LHFPL6: variants seen among roughly 807,000 people sequenced by gnomAD.
LHFPL6 encodes LHFPL tetraspan subfamily member 6 protein.
A neutral mutation model predicts 20.6 loss-of-function variants in LHFPL6; 9 were observed. The observed-to-expected ratio is 0.44, with a 90% CI of 0.26 to 0.76. The LOEUF (loss-of-function observed/expected upper bound fraction) is 0.76, where lower values mean the gene tolerates loss of function less well. LHFPL6 is among the 30% of genes least tolerant of loss of function. LHFPL6 has a pLI of 0.20. For missense variants in LHFPL6, 218 were observed against 253.5 expected (o/e 0.86, Z 0.95); for synonymous variants, 105 against 98.7 (o/e 1.06, Z -0.38).
chr13:39,504,788 CTTCTAA>C (rs1429409048), intron 2 of LHFPL6, among the ~76,000 whole-genome samples: 1 of 152,224 alleles, frequency 6.6e-6, no homozygotes, highest in East Asian at 1.9e-4. Context: ...AAACCCCACA[CTTCTAA>C]TTCTAGTACT....
intron 2 of LHFPL6, among the ~76,000 whole-genome samples, chr13:39,419,552 T>C (rs1471748845): frequency 2.0e-5 from 3 of 152,366 alleles, no homozygotes; most frequent in African/African-American, 7.2e-5. Context: ...TCTTCTGAAA[T>C]GAATCAAAAT....
At position 39,580,934 on chromosome 13, in the gene LHFPL6, C is replaced by T. The variant is rs142256968; in HGVS notation, c.385+19898G>A. ...ATGGCCATAGAGTAATGTGAACACA[C>T]GAATAAAGGTGGTACTTTAAGACTT... On this transcript the variant is annotated intron_variant, in intron 2 of 3. Coordinates refer to ENST00000379589, the MANE Select transcript of LHFPL6 (RefSeq NM_005780.3). 4.7e-4 allele frequency among the ~76,000 whole-genome samples: 71 copies of T among 152,182 alleles called. 1 individual carries two copies. Among genetic ancestry groups the T allele is most frequent in the Admixed American group, 2.2e-3 (34 of 15,292 alleles).
chr13:39,374,392 C>T (rs1566096700), intron 3 of LHFPL6, among the ~76,000 whole-genome samples: 3 of 151,956 alleles, frequency 2.0e-5, no homozygotes, highest in East Asian at 3.9e-4. Context: ...AGGGGAGGGA[C>T]GGAGGGGGCA....
intron 2 of LHFPL6, among the ~76,000 whole-genome samples, chr13:39,591,951 C>T (rs1005728588): frequency 6.6e-6 from 1 of 151,952 alleles, no homozygotes; most frequent in Non-Finnish European, 1.5e-5. Flanking sequence ...CAAAAATTAG[C>T]CAGGCATGAT....
intron 2 of LHFPL6, among the ~76,000 whole-genome samples, chr13:39,506,847 C>A (rs1321096100): frequency 6.6e-6 from 1 of 152,232 alleles, no homozygotes; most frequent in African/African-American, 2.4e-5. Context: ...TGAAGATAAG[C>A]TTTTAAATGA....
At chr13:39,391,095 T>C (rs1314511979) in intron 2 of LHFPL6, among the ~76,000 whole-genome samples, 2 of 152,216 alleles carry the variant, frequency 1.3e-5, no homozygotes, top group Non-Finnish European at 2.9e-5. Context: ...AAAATAAGCA[T>C]ATCATGCCTT....
chr13:39,384,468 A>T (rs1330158843), intron 2 of LHFPL6, among the ~76,000 whole-genome samples: 1 of 152,250 alleles, frequency 6.6e-6, no homozygotes, highest in Non-Finnish European at 1.5e-5. Context: ...AAGTGAGAAC[A>T]TCTTTTTAAT....
intron 2 of LHFPL6, among the ~76,000 whole-genome samples, chr13:39,546,929 G>A (rs1870998669): frequency 6.6e-6 from 1 of 151,918 alleles, no homozygotes; most frequent in Non-Finnish European, 1.5e-5. Context: ...AATTCCCATT[G>A]CTTTGAAGAC....
At chr13:39,505,609 T>C (rs886341609) in intron 2 of LHFPL6, among the ~76,000 whole-genome samples, 1 of 152,178 alleles carries the variant, frequency 6.6e-6, no homozygotes, top group Non-Finnish European at 1.5e-5. Context: ...AGGCTGATTT[T>C]GGCTAAAAGA....
chr13:39,514,868 G>A (rs1315831554), intron 2 of LHFPL6, among the ~76,000 whole-genome samples: 4 of 152,190 alleles, frequency 2.6e-5, no homozygotes, highest in East Asian at 1.9e-4. Flanking sequence ...GAAAAATAGC[G>A]AAGTGCTAAA....
chr13:39,601,839 G>T (rs1287928894), intron 1 of LHFPL6, among the ~76,000 whole-genome samples: 1 of 152,096 alleles, frequency 6.6e-6, no homozygotes, highest in Non-Finnish European at 1.5e-5. Context: ...TTAACTCTCT[G>T]CATGAGCCAA....
chr13:39,372,584 T>C (rs576384519), intron 3 of LHFPL6, among the ~76,000 whole-genome samples: 63 of 152,340 alleles, frequency 4.1e-4, no homozygotes, highest in African/African-American at 1.3e-3. Context: ...TTTGTGAAAG[T>C]GAATACTTTT....
At chr13:39,587,000 T>A (rs972281205) in intron 2 of LHFPL6, among the ~76,000 whole-genome samples, 1 of 151,972 alleles carries the variant, frequency 6.6e-6, no homozygotes. Flanking sequence ...CTCCTAAAAA[T>A]ACAAAAATTA....
chr13:39,546,574 A>G (rs533684095), intron 2 of LHFPL6, among the ~76,000 whole-genome samples: 1 of 152,150 alleles, frequency 6.6e-6, no homozygotes, highest in African/African-American at 2.4e-5. Context: ...GGGTTTTACA[A>G]CCCTCCAGCT....
chr13:39,344,914 T>C (rs1006088219), intron 3 of LHFPL6, among the ~76,000 whole-genome samples: 1 of 152,228 alleles, frequency 6.6e-6, no homozygotes, highest in African/African-American at 2.4e-5. Flanking sequence ...ATCCCAAGAA[T>C]AGGTCGGTGT....
chr13:39,369,605 C>T (rs1410206786), intron 3 of LHFPL6, among the ~76,000 whole-genome samples: 116 of 39,504 alleles, frequency 2.9e-3, no homozygotes, highest in African/African-American at 4.9e-3. Flanking sequence ...CTTCCTCCCT[C>T]TCTCCCTCCC....
At position 39,588,328 on chromosome 13, in the gene LHFPL6, A is replaced by T. The variant is rs1029564390; in HGVS notation, c.385+12504T>A. ...TTATTTGACATACAGTGGGCACTCG[A>T]TAAGTAAATGCCCTTAACCACCAAT... On this transcript the variant is annotated intron_variant, in intron 2 of 3. Coordinates refer to ENST00000379589, the MANE Select transcript of LHFPL6 (RefSeq NM_005780.3). Among the ~76,000 whole-genome samples the T allele has an allele frequency of 1.1e-4, 16 of 152,342 alleles. No individual in the cohort carries two copies. The Middle Eastern group carries it at 0.02, about 194-fold the overall frequency.
rs113681527 is a variant in LHFPL6 at position 39,427,049 on chromosome 13, C to A, written c.386-48523G>T. 7.9e-3 allele frequency among the ~76,000 whole-genome samples: 1,163 copies of A among 146,842 alleles called. 11 individuals carry two copies. Among genetic ancestry groups the A allele is most frequent in the African/African-American group, 0.025 (981 of 39,622 alleles). ...CACTGAATTGCCTTAATTGCCTTTGCATCTTTGTAAAAAAAAAAAAAAGCT... is the reference window on the plus strand; with the variant it reads ...CACTGAATTGCCTTAATTGCCTTTGAATCTTTGTAAAAAAAAAAAAAAGCT... On this transcript the variant is annotated intron_variant, in intron 2 of 3. Transcript: ENST00000379589.
intron 2 of LHFPL6, among the ~76,000 whole-genome samples, chr13:39,577,065 T>A (rs1398755231): frequency 6.6e-6 from 1 of 152,110 alleles, no homozygotes; most frequent in African/African-American, 2.4e-5. Flanking sequence ...ATAAGACAGA[T>A]AAACTCACGA....
Sources: gnomAD v4.1 joint callset for allele counts (sites outside exome capture counted in the v4.1 genomes callset) on GRCh38, gnomAD v4.1.1 for gene constraint, MANE v1.5 for transcripts, NCBI Gene and HGNC (gene_info 2026-07-23, HGNC 2026-07-21) for gene names.